Variants in NFX1 observed in about 807,000 individuals in gnomAD.
The protein encoded by NFX1 is nuclear transcription factor, X-box binding 1.
A neutral mutation model predicts 137.2 loss-of-function variants in NFX1; 69 were observed. The ratio of observed to expected loss-of-function variants is 0.50; its 90% confidence interval spans 0.41 to 0.61. The LOEUF (loss-of-function observed/expected upper bound fraction) is 0.61, where lower values mean the gene tolerates loss of function less well. Among genes scored for constraint, NFX1 ranks in the 20% least tolerant of loss-of-function variants. NFX1 has a pLI of 0.00. For synonymous variants in NFX1, 495 were observed against 474.1 expected, an observed-to-expected ratio of 1.04 and a Z score of -0.57; for missense variants, 1,167 against 1,391.0, an observed-to-expected ratio of 0.84 and a Z score of 2.56.
intron 5 of NFX1, among the ~76,000 whole-genome samples, chr9:33,309,321 C>T (rs1302755441): frequency 2.0e-5 from 3 of 151,514 alleles, no homozygotes; most frequent in African/African-American, 7.3e-5. Context: ...CATGCCACTG[C>T]ACTCCAGCCT....
Position 33,332,143 on chromosome 9 carries a change from C to T in NFX1, c.2005-329C>T, listed in dbSNP as rs73478912. On this transcript the variant is annotated intron_variant, in intron 10 of 23. Transcript: ENST00000379540. ...TGTCTGTACCCTTGTTTGGTGATGA[C>T]TTCTCTTTCCTTTGCATGCCTTTAG... 5.7e-3 allele frequency among the ~76,000 whole-genome samples: 861 copies of T among 152,292 alleles called. 9 individuals are homozygous for T. The highest frequency in any genetic ancestry group is 0.02 in the African/African-American group (832 of 41,568).
intron 13 of NFX1, 63 bp from the exon 14 acceptor site, chr9:33,344,002 TGTTA>T: frequency 6.2e-7 from 1 of 1,603,390 alleles, no homozygotes; most frequent in African/African-American, 1.3e-5. Flanking sequence ...TGTTTGTGTG[TGTTA>T]GTATGTACTT....
chr9:33,348,673 A>G lies in NFX1; in HGVS notation c.2424+1556A>G, dbSNP rs925386147. On this transcript the variant is annotated intron_variant, in intron 15 of 23. Transcript: ENST00000379540. ...GAGACAGGGTTGCCACAAAGTTTCA[A>G]TTTGTAAAAAATGTGATATCTATGA... is the stretch of plus-strand genomic sequence containing the variant. 4.5e-6 allele frequency: 4 copies of G among 892,812 alleles called. No individual in the cohort carries two copies. The African/African-American group carries it at 7.2e-5, about 16-fold the overall frequency. 55.3% of individuals were successfully genotyped at this position (892,812 alleles called of 1,614,324 possible). A position where few individuals can be genotyped will look rare whatever the true frequency, so the allele number is the denominator to read the frequency against.
chr9:33,351,228 C>T (rs10971477), intron 15 of NFX1, among the ~76,000 whole-genome samples: 6,625 of 151,998 alleles, frequency 0.044, 408 homozygotes, highest in African/African-American at 0.14. Flanking sequence ...GAGGCCTAGG[C>T]GGGTGGATCG....
intron 15 of NFX1, chr9:33,347,736 T>G (rs1322637569): frequency 2.4e-6 from 1 of 408,558 alleles, no homozygotes; most frequent in Admixed American, 2.7e-5. Context: ...CACGCATGTT[T>G]ATAGCAGCAC....
intron 10 of NFX1, among the ~76,000 whole-genome samples, chr9:33,330,250 G>T (rs1822754538): frequency 6.6e-6 from 1 of 152,212 alleles, no homozygotes; most frequent in Admixed American, 6.5e-5. Flanking sequence ...AGCCAGGGTG[G>T]AGACAGAATT....
chr9:33,322,954 A>G (rs1564119653), intron 9 of NFX1, among the ~76,000 whole-genome samples: 1 of 152,262 alleles, frequency 6.6e-6, no homozygotes, highest in Non-Finnish European at 1.5e-5. Context: ...AAAGACTTAC[A>G]GCAAAGACTA....
At chr9:33,363,214 A>G (rs899229278) in intron 19 of NFX1, among the ~76,000 whole-genome samples, 1 of 151,432 alleles carries the variant, frequency 6.6e-6, no homozygotes, top group Admixed American at 6.6e-5. Flanking sequence ...CTGCTTCATA[A>G]ATATGAAGCA....
chr9:33,331,252 T>C (rs1227500477), intron 10 of NFX1, among the ~76,000 whole-genome samples: 1 of 152,234 alleles, frequency 6.6e-6, no homozygotes, highest in Non-Finnish European at 1.5e-5. Context: ...TGACATGGTT[T>C]TGGTAATGGA....
At chr9:33,367,724 T>C in intron 23 of NFX1, 105 bp downstream of exon 23, 1 of 1,027,530 alleles carries the variant, frequency 9.7e-7, no homozygotes, top group Non-Finnish European at 1.5e-6. Context: ...TCCTCAGGCC[T>C]GGCCTTGGGG....
At chr9:33,347,653 T>TAAAAG (rs1823475027) in intron 15 of NFX1, 1 of 391,790 alleles carries the variant, frequency 2.6e-6, no homozygotes, top group Non-Finnish European at 5.1e-6. Context: ...AGATTTACCG[T>TAAAAG]TTGATCCAGC....
At chr9:33,369,569 G>C (rs1023681479) in intron 23 of NFX1, among the ~76,000 whole-genome samples, 3 of 152,126 alleles carry the variant, frequency 2.0e-5, no homozygotes, top group Non-Finnish European at 2.9e-5. Flanking sequence ...TGTTAACTGA[G>C]CATTCATTGA....
chr9:33,329,824 A>G (rs1306739606), intron 10 of NFX1, among the ~76,000 whole-genome samples: 1 of 151,838 alleles, frequency 6.6e-6, no homozygotes, highest in Non-Finnish European at 1.5e-5. Context: ...ACACCCGGCT[A>G]ATTTTTGTAT....
chr9:33,369,809 T>G (rs1287737412), intron 23 of NFX1, 97 bp from the exon 24 acceptor site: 10 of 860,126 alleles, frequency 1.2e-5, no homozygotes, highest in African/African-American at 1.7e-5. Flanking sequence ...TGTTTAAGAT[T>G]CACAAATGGT....
intron 19 of NFX1, among the ~76,000 whole-genome samples, chr9:33,356,730 G>C (rs142587929): frequency 6.6e-6 from 1 of 151,912 alleles, no homozygotes; most frequent in Non-Finnish European, 1.5e-5. Flanking sequence ...TCCATTTGAC[G>C]AGTACCAAGA....
chr9:33,312,668 C>T (rs111983358), intron 6 of NFX1, among the ~76,000 whole-genome samples: 3,661 of 152,264 alleles, frequency 0.024, 139 homozygotes, highest in African/African-American at 0.083. Context: ...GTTAAGAGTT[C>T]GAGACCAGGT....
intron 5 of NFX1, among the ~76,000 whole-genome samples, chr9:33,310,795 C>T (rs1281681229): frequency 2.0e-5 from 3 of 152,224 alleles, no homozygotes; most frequent in Non-Finnish European, 4.4e-5. Context: ...TCCCCACACA[C>T]TGCTGTAAGT....
intron 9 of NFX1, among the ~76,000 whole-genome samples, chr9:33,324,136 T>C (rs1822491528): frequency 6.6e-6 from 1 of 152,068 alleles, no homozygotes; most frequent in South Asian, 2.1e-4. Context: ...CCCAGCACTT[T>C]GGGAGGCTGA....
chr9:33,318,681 A>G (rs1177595366), intron 7 of NFX1, 50 bp from the exon 8 acceptor site: 1 of 1,496,226 alleles, frequency 6.7e-7, no homozygotes, highest in Non-Finnish European at 9.3e-7. Context: ...TGACATTTTA[A>G]GAACCCATAC....
Sources: allele counts gnomAD v4.1 joint callset (sites outside exome capture counted in the v4.1 genomes callset), GRCh38; gene constraint gnomAD v4.1.1; transcripts MANE v1.5; gene names NCBI Gene and HGNC (gene_info 2026-07-23, HGNC 2026-07-21).